Variants in NCAM2 observed in about 807,000 individuals in gnomAD.
NCAM2 encodes neural cell adhesion molecule 2, also known as N-CAM-2.
A neutral mutation model predicts 98.1 loss-of-function variants in NCAM2; 30 were observed. The observed-to-expected ratio is 0.31, with a 90% confidence interval of 0.23 to 0.41. The LOEUF is 0.41. Ranked by LOEUF, NCAM2 falls within the 10% of genes least tolerant of loss-of-function variation. The pLI, the probability that NCAM2 is intolerant of heterozygous loss-of-function variation, is 1.00. For synonymous variants in NCAM2, 368 were observed against 342.4 expected, an observed-to-expected ratio of 1.07 and a Z score of -0.83; for missense variants, 867 against 1,005.8, an observed-to-expected ratio of 0.86 and a Z score of 1.87.
chr21:21,222,863 A>G (rs934224059), intron 1 of NCAM2, among the ~76,000 whole-genome samples: 1 of 152,174 alleles, frequency 6.6e-6, no homozygotes, highest in Non-Finnish European at 1.5e-5. Context: ...AAAACATTGA[A>G]TCCTATAGAG....
rs544908916 is a variant in NCAM2, at chr21:21,050,236, A to T, written c.55+51618A>T. On this transcript the variant is annotated intron_variant, in intron 1 of 17. Coordinates refer to ENST00000400546, the MANE Select transcript of NCAM2 (RefSeq NM_004540.5). Reference sequence around the variant, plus strand: ...CCTTAATTTGTACCAGACCTAAAAAAGTGAAAGGATTAACTTTCTTAAGGA... The same window carrying T: ...CCTTAATTTGTACCAGACCTAAAAATGTGAAAGGATTAACTTTCTTAAGGA... Among the ~76,000 whole-genome samples the T allele has an allele frequency of 7.2e-5, 11 of 152,346 alleles. No individual in the cohort carries two copies. The South Asian group carries it at 1.7e-3, about 23-fold the overall frequency.
At chr21:21,136,427 T>C (rs1473130251) in intron 1 of NCAM2, among the ~76,000 whole-genome samples, 1 of 151,562 alleles carries the variant, frequency 6.6e-6, no homozygotes, top group Non-Finnish European at 1.5e-5. Flanking sequence ...AAATATGGGA[T>C]ACCCACATGC....
chr21:21,034,055 G>A (rs183007815), intron 1 of NCAM2, among the ~76,000 whole-genome samples: 14 of 151,030 alleles, frequency 9.3e-5, no homozygotes, highest in Non-Finnish European at 1.8e-4. Flanking sequence ...TAGGCAAAGG[G>A]GGGGGGGAAA....
chr21:21,012,878 C>T (rs973358148), intron 1 of NCAM2, among the ~76,000 whole-genome samples: 1 of 151,974 alleles, frequency 6.6e-6, no homozygotes. Flanking sequence ...TATCATTGAT[C>T]GTTGATGTTA....
chr21:21,173,458 G>A (rs1246482512), intron 1 of NCAM2, among the ~76,000 whole-genome samples: 1 of 152,130 alleles, frequency 6.6e-6, no homozygotes. Flanking sequence ...GTGTACTACA[G>A]CAGTGAAGTC....
chr21:21,129,870 G>A (rs1022764242), intron 1 of NCAM2, among the ~76,000 whole-genome samples: 3 of 152,148 alleles, frequency 2.0e-5, no homozygotes, highest in Admixed American at 6.6e-5. Flanking sequence ...AGCTTCTGGT[G>A]ATATGTAATG....
At chr21:21,022,244 T>A (rs1388534965) in intron 1 of NCAM2, among the ~76,000 whole-genome samples, 1 of 152,086 alleles carries the variant, frequency 6.6e-6, no homozygotes, top group Non-Finnish European at 1.5e-5. Flanking sequence ...AACTCATGTG[T>A]TTTTCCTTCT....
At chr21:21,416,924 G>A (rs1014423679) in intron 10 of NCAM2, among the ~76,000 whole-genome samples, 4 of 144,270 alleles carry the variant, frequency 2.8e-5, no homozygotes, top group South Asian at 4.5e-4. Flanking sequence ...AATCTATGTC[G>A]TGATGGGTGT....
intron 1 of NCAM2, among the ~76,000 whole-genome samples, chr21:21,075,441 A>G (rs1385434012): frequency 1.3e-5 from 2 of 152,072 alleles, no homozygotes; most frequent in Admixed American, 1.3e-4. Flanking sequence ...TGATAAAGAT[A>G]CTCTTCTTTT....
At chr21:21,156,792 TA>T (rs1334128842) in intron 1 of NCAM2, among the ~76,000 whole-genome samples, 1 of 152,044 alleles carries the variant, frequency 6.6e-6, no homozygotes, top group Non-Finnish European at 1.5e-5. Flanking sequence ...AACCTAAACA[TA>T]AAGTTACAAT....
intron 1 of NCAM2, among the ~76,000 whole-genome samples, chr21:21,224,431 T>C (rs943106718): frequency 6.6e-6 from 1 of 152,160 alleles, no homozygotes; most frequent in East Asian, 1.9e-4. Context: ...CTATAGCTTG[T>C]ACTTTCAAAT....
chr21:21,023,262 G>A (rs1195135336), intron 1 of NCAM2, among the ~76,000 whole-genome samples: 3 of 152,088 alleles, frequency 2.0e-5, no homozygotes, highest in Non-Finnish European at 4.4e-5. Context: ...GGTGGCTCAC[G>A]CCTGTAATCT....
At chr21:21,045,060 A>G (rs989396430) in intron 1 of NCAM2, among the ~76,000 whole-genome samples, 2 of 152,178 alleles carry the variant, frequency 1.3e-5, no homozygotes, top group African/African-American at 4.8e-5. Context: ...AGGGTGTTGT[A>G]AATGTCAAGA....
chr21:21,227,063 G>A (rs2070412548), intron 1 of NCAM2, among the ~76,000 whole-genome samples: 1 of 151,898 alleles, frequency 6.6e-6, no homozygotes, highest in African/African-American at 2.4e-5. Context: ...GAGAAAGTTA[G>A]TTTACATTAT....
At chr21:21,493,801 T>C (rs575446227) in intron 15 of NCAM2, among the ~76,000 whole-genome samples, 17 of 152,062 alleles carry the variant, frequency 1.1e-4, no homozygotes, top group Middle Eastern at 3.4e-3. Flanking sequence ...TTGGTCGCAA[T>C]TTTACATTAT....
intron 1 of NCAM2, among the ~76,000 whole-genome samples, chr21:21,058,669 A>ATTTTTTTTTTTTTTTTTT (rs59289753): frequency 6.9e-6 from 1 of 144,854 alleles, no homozygotes; most frequent in Non-Finnish European, 1.5e-5. Context: ...TTCACACAGG[A>ATTTTTTTTTTTTTTTTTT]TTTTTTTTTT....
intron 9 of NCAM2, among the ~76,000 whole-genome samples, chr21:21,404,221 T>C (rs1375780850): frequency 2.0e-5 from 3 of 152,188 alleles, no homozygotes; most frequent in Admixed American, 6.6e-5. Context: ...AGAGTGAATA[T>C]ATGTGTGTAA....
At chr21:21,110,655 T>C (rs2066436171) in intron 1 of NCAM2, among the ~76,000 whole-genome samples, 1 of 151,184 alleles carries the variant, frequency 6.6e-6, no homozygotes, top group South Asian at 2.1e-4. Flanking sequence ...TATGAGTTAT[T>C]TTTTTGGAAA....
intron 10 of NCAM2, 129 bp from the exon 11 acceptor site, chr21:21,418,344 T>G (rs1352232705): frequency 6.1e-6 from 4 of 653,988 alleles, no homozygotes; most frequent in Non-Finnish European, 1.1e-5. Flanking sequence ...ATAAAGAAAA[T>G]TAAAAATATA....
Sources: gnomAD v4.1 joint callset for allele counts (sites outside exome capture counted in the v4.1 genomes callset) on GRCh38, gnomAD v4.1.1 for gene constraint, MANE v1.5 for transcripts, NCBI Gene and HGNC (gene_info 2026-07-23, HGNC 2026-07-21) for gene names.